CHM: variants seen among roughly 807,000 people sequenced by gnomAD.
CHM encodes CHM Rab escort protein, also known as rab proteins geranylgeranyltransferase component A 1.
CHM carries 10 observed loss-of-function variants against 49.0 expected under a neutral mutation model. The ratio of observed to expected loss-of-function variants is 0.20; its 90% CI spans 0.13 to 0.35. CHM has a LOEUF of 0.35. CHM is among the 10% of genes least tolerant of loss of function. The pLI, the probability that CHM is intolerant of heterozygous loss-of-function variation, is 1.00. For synonymous variants in CHM, 184 were observed against 167.5 expected (o/e 1.10, Z -0.76); for missense variants, 455 against 478.4 (o/e 0.95, Z 0.46).
At position 85,873,497 on chromosome X, in the gene CHM, CAT is replaced by C. The variant is rs1395544965; in HGVS notation, c.1610-287_1610-286del. 3.6e-5 allele frequency among the ~76,000 whole-genome samples: 4 copies of C among 111,602 alleles called. No individual in the cohort carries two copies. In the East Asian group the frequency reaches 8.5e-4, roughly 24 times the overall value. On this transcript the variant is annotated intron_variant, in intron 13 of 14. Transcript: ENST00000357749. The stretch of plus-strand genomic sequence containing the variant: ...AAAATTTTCCCTATAGAGAAGATAA[CAT>C]AAATTGATTTCCTTATGTTTCAAAT...
intron 8 of CHM, among the ~76,000 whole-genome samples, chrX:85,944,206 A>C (rs1181777998): frequency 8.9e-6 from 1 of 111,887 alleles, no homozygotes; most frequent in Non-Finnish European, 1.9e-5. Context: ...GATTTCTGAA[A>C]ACTCTCTGTA....
At chrX:85,929,102 T>A (rs1163876154) in intron 8 of CHM, among the ~76,000 whole-genome samples, 1 of 111,283 alleles carries the variant, frequency 9.0e-6, no homozygotes. Flanking sequence ...CGTAAGAAAT[T>A]AGGGAAGCAC....
chrX:85,980,594 A>G (rs980016835), intron 3 of CHM, among the ~76,000 whole-genome samples: 1 of 112,257 alleles, frequency 8.9e-6, no homozygotes, highest in Non-Finnish European at 1.9e-5. Context: ...AGCTAACTGA[A>G]TACAATTTTC....
At chrX:85,870,945 T>C (rs761439944) in intron 14 of CHM, among the ~76,000 whole-genome samples, 1 of 111,097 alleles carries the variant, frequency 9.0e-6, no homozygotes, top group Non-Finnish European at 1.9e-5. Context: ...ACTCAACCTC[T>C]ATACATTTTA....
At chrX:85,879,088 TC>T (rs1924600831) in intron 12 of CHM, 25 bp from the exon 13 acceptor site, 3 of 1,011,945 alleles carry the variant, frequency 3.0e-6, no homozygotes, top group Non-Finnish European at 1.4e-6. Context: ...ATATTTGAGT[TC>T]CTTGTCATCA....
chrX:85,976,618 C>T (rs1395635794), intron 4 of CHM, among the ~76,000 whole-genome samples: 4 of 105,194 alleles, frequency 3.8e-5, no homozygotes, highest in Non-Finnish European at 7.8e-5. Context: ...AGTGAGACTC[C>T]GTCTCAAAAA....
At chrX:86,041,022 G>A (rs990074796) in intron 1 of CHM, among the ~76,000 whole-genome samples, 7 of 112,035 alleles carry the variant, frequency 6.2e-5, no homozygotes, top group African/African-American at 1.9e-4. Context: ...TGAGTTAACA[G>A]GTCAATTATA....
At chrX:85,949,722 C>T (rs1253004391) in intron 8 of CHM, among the ~76,000 whole-genome samples, 4 of 108,678 alleles carry the variant, frequency 3.7e-5, no homozygotes, top group South Asian at 4.0e-4. Flanking sequence ...AAATTTATAA[C>T]GTTCCCACCT....
rs766884020 is a variant in CHM, at chrX:85,976,438, C to T, written c.314+2329G>A. On this transcript the variant is annotated intron_variant, in intron 4 of 14. Coordinates refer to ENST00000357749, the MANE Select transcript of CHM (RefSeq NM_000390.4). The stretch of plus-strand genomic sequence containing the variant: ...GAGATCGAGACCATCCTGCCTAACA[C>T]GGTGAAACCCTGTCTCTACTAAAAA... Among the ~76,000 whole-genome samples, 292 of 110,922 alleles carry T rather than the reference C, an allele frequency of 2.6e-3. 1 individual carries two copies. The highest frequency in any genetic ancestry group is 9.2e-3 in the African/African-American group (280 of 30,462).
At chrX:86,013,743 A>G (rs1397916820) in intron 2 of CHM, among the ~76,000 whole-genome samples, 1 of 110,666 alleles carries the variant, frequency 9.0e-6, no homozygotes, top group Non-Finnish European at 1.9e-5. Context: ...CAAAAAAAAA[A>G]AAGAAAAGAA....
intron 8 of CHM, among the ~76,000 whole-genome samples, chrX:85,927,688 C>G (rs1049165690): frequency 1.8e-5 from 2 of 111,762 alleles, no homozygotes; most frequent in Non-Finnish European, 3.8e-5. Flanking sequence ...TATATTATAT[C>G]CAACGAGTCA....
intron 14 of CHM, among the ~76,000 whole-genome samples, chrX:85,871,369 G>A (rs780390821): frequency 1.0e-4 from 11 of 106,657 alleles, no homozygotes; most frequent in African/African-American, 3.8e-4. Flanking sequence ...CAAAGTCTAG[G>A]TGATATTCTG....
At chrX:85,895,697 T>C (rs1317893457) in intron 11 of CHM, among the ~76,000 whole-genome samples, 2 of 111,843 alleles carry the variant, frequency 1.8e-5, no homozygotes, top group Non-Finnish European at 3.8e-5. Flanking sequence ...TTATGTGCAT[T>C]TCTAGCCTCA....
intron 9 of CHM, among the ~76,000 whole-genome samples, chrX:85,902,812 T>C (rs762112770): frequency 9.8e-5 from 11 of 112,016 alleles, no homozygotes; most frequent in African/African-American, 3.6e-4. Context: ...AACATCAATC[T>C]CTATTTGTCC....
chrX:85,917,631 G>C (rs1430044994), intron 8 of CHM, among the ~76,000 whole-genome samples: 1 of 110,840 alleles, frequency 9.0e-6, no homozygotes, highest in Non-Finnish European at 1.9e-5. Flanking sequence ...CAATGAGATA[G>C]AGGAGAAGGT....
At chrX:85,895,055 T>G (rs1442207332) in intron 11 of CHM, among the ~76,000 whole-genome samples, 3 of 110,951 alleles carry the variant, frequency 2.7e-5, no homozygotes, top group African/African-American at 9.8e-5. Context: ...ATATGTAGTA[T>G]GCTATCCTAG....
At chrX:85,884,615 C>A (rs1325052553) in intron 12 of CHM, among the ~76,000 whole-genome samples, 1 of 111,073 alleles carries the variant, frequency 9.0e-6, no homozygotes, top group Non-Finnish European at 1.9e-5. Flanking sequence ...ATATACTATT[C>A]CCATATGATG....
intron 8 of CHM, among the ~76,000 whole-genome samples, chrX:85,949,063 G>T (rs1050609993): frequency 9.0e-6 from 1 of 111,131 alleles, no homozygotes; most frequent in African/African-American, 3.3e-5. Context: ...GCAGGATGAG[G>T]TATAATTTTT....
chrX:85,920,033 G>A (rs1927681980), intron 8 of CHM, among the ~76,000 whole-genome samples: 1 of 111,492 alleles, frequency 9.0e-6, no homozygotes, highest in Non-Finnish European at 1.9e-5. Flanking sequence ...TTTGGTTGGG[G>A]GTGTAAGGAT....
Sources: allele counts gnomAD v4.1 joint callset (sites outside exome capture counted in the v4.1 genomes callset), GRCh38; gene constraint gnomAD v4.1.1; transcripts MANE v1.5; gene names NCBI Gene and HGNC (gene_info 2026-07-23, HGNC 2026-07-21).